Variants in ZNF385D observed in about 807,000 individuals in gnomAD.
ZNF385D encodes the protein zinc finger protein 659.
In ZNF385D, 15 loss-of-function variants were observed where a neutral mutation model predicts 35.8. The ratio of observed to expected loss-of-function variants is 0.42; its 90% CI spans 0.28 to 0.64. The LOEUF is 0.64. Among genes scored for constraint, ZNF385D ranks in the 30% least tolerant of loss-of-function variants. ZNF385D has a pLI of 0.23. For missense variants in ZNF385D, 474 were observed against 494.6 expected, an observed-to-expected ratio of 0.96 and a Z score of 0.39; for synonymous variants, 212 against 186.8, an observed-to-expected ratio of 1.13 and a Z score of -1.10.
intron 3 of ZNF385D, among the ~76,000 whole-genome samples, chr3:21,909,580 C>T (rs1348728625): frequency 1.3e-5 from 2 of 150,792 alleles, no homozygotes; most frequent in Non-Finnish European, 3.0e-5. Context: ...AATTCTGCTT[C>T]ATTCTTATCA....
chr3:21,850,993 G>A (rs1696348796), intron 3 of ZNF385D, among the ~76,000 whole-genome samples: 1 of 151,840 alleles, frequency 6.6e-6, no homozygotes, highest in African/African-American at 2.4e-5. Context: ...AAAGAAGCCA[G>A]AAAATATAAC....
chr3:22,151,894 G>A (rs1705263217), intron 3 of ZNF385D, among the ~76,000 whole-genome samples: 1 of 152,040 alleles, frequency 6.6e-6, no homozygotes, highest in African/African-American at 2.4e-5. Flanking sequence ...ACATGTGCAG[G>A]TTATATAGGT....
At chr3:21,779,668 C>A (rs2071418471) in intron 3 of ZNF385D, among the ~76,000 whole-genome samples, 1 of 151,878 alleles carries the variant, frequency 6.6e-6, no homozygotes, top group African/African-American at 2.4e-5. Context: ...TTCTCAATGC[C>A]ACTCACTTTA....
chr3:22,344,966 A>G (rs900764375), intron 2 of ZNF385D, among the ~76,000 whole-genome samples: 25 of 152,194 alleles, frequency 1.6e-4, no homozygotes, highest in Middle Eastern at 3.4e-3. Context: ...CAAAATTTCT[A>G]CTTTTTCATG....
At chr3:21,775,424 A>C (rs1056997762) in intron 3 of ZNF385D, among the ~76,000 whole-genome samples, 1 of 151,872 alleles carries the variant, frequency 6.6e-6, no homozygotes, top group Non-Finnish European at 1.5e-5. Flanking sequence ...AAATAAAAAA[A>C]GGAAGAAAGT....
At chr3:22,351,049 C>G (rs1351640790) in intron 2 of ZNF385D, among the ~76,000 whole-genome samples, 1 of 152,076 alleles carries the variant, frequency 6.6e-6, no homozygotes, top group Non-Finnish European at 1.5e-5. Context: ...CAATGCTACA[C>G]TGATGTCAGT....
At chr3:21,994,679 C>T (rs1305431749) in intron 3 of ZNF385D, among the ~76,000 whole-genome samples, 4 of 152,164 alleles carry the variant, frequency 2.6e-5, no homozygotes, top group Non-Finnish European at 5.9e-5. Context: ...ATTTTCTGGA[C>T]TGGCTTTTAC....
chr3:21,778,731 G>C lies in ZNF385D; in HGVS notation c.326-113703C>G, dbSNP rs149338452. 4.9e-3 allele frequency among the ~76,000 whole-genome samples: 749 copies of C among 151,878 alleles called. 6 individuals are homozygous for C. The highest frequency in any genetic ancestry group is 0.015 in the African/African-American group (632 of 41,474). Reference sequence around the variant, plus strand: ...TAAAATAATTTAAAAAATCCAAATAGAAATTCCCCAAATGATCTCGTTATG... The same window carrying C: ...TAAAATAATTTAAAAAATCCAAATACAAATTCCCCAAATGATCTCGTTATG... On this transcript the variant is annotated intron_variant, in intron 3 of 5. Coordinates refer to the ZNF385D transcript ENST00000494108.
chr3:22,269,486 G>T (rs559555195), intron 2 of ZNF385D, among the ~76,000 whole-genome samples: 1 of 151,926 alleles, frequency 6.6e-6, no homozygotes, highest in Non-Finnish European at 1.5e-5. Context: ...AACAGCCAAG[G>T]AAGTTTAGGT....
At chr3:21,890,473 G>T (rs534108737) in intron 3 of ZNF385D, among the ~76,000 whole-genome samples, 1 of 152,198 alleles carries the variant, frequency 6.6e-6, no homozygotes, top group African/African-American at 2.4e-5. Flanking sequence ...ACAAAAATTA[G>T]CTGTGCATGG....
intron 4 of ZNF385D, among the ~76,000 whole-genome samples, chr3:21,464,747 C>G (rs2125323291): frequency 6.6e-6 from 1 of 152,196 alleles, no homozygotes; most frequent in South Asian, 2.1e-4. Flanking sequence ...AATTAAAACA[C>G]ACACACACAC....
At chr3:21,967,314 C>G (rs1430822917) in intron 3 of ZNF385D, among the ~76,000 whole-genome samples, 3 of 152,076 alleles carry the variant, frequency 2.0e-5, no homozygotes, top group African/African-American at 7.2e-5. Context: ...AATTTACTGT[C>G]TTATATGTTG....
At chr3:22,261,795 G>T (rs1472895804) in intron 2 of ZNF385D, among the ~76,000 whole-genome samples, 1 of 151,886 alleles carries the variant, frequency 6.6e-6, no homozygotes, top group Non-Finnish European at 1.5e-5. Context: ...CAGCAATAAG[G>T]TCTCTCTCTG....
intron 4 of ZNF385D, chr3:21,443,324 G>A: frequency 1.0e-6 from 1 of 985,320 alleles, no homozygotes; most frequent in Non-Finnish European, 1.2e-6. Flanking sequence ...AATTCCTGGG[G>A]AACAAAGTGT....
intron 3 of ZNF385D, among the ~76,000 whole-genome samples, chr3:22,095,144 C>A (rs1426788208): frequency 7.8e-6 from 1 of 127,442 alleles, no homozygotes; most frequent in African/African-American, 3.0e-5. Flanking sequence ...CCATGCTGGT[C>A]TCAAACTCTA....
At chr3:22,274,725 T>C (rs1252321813) in intron 2 of ZNF385D, among the ~76,000 whole-genome samples, 1 of 151,920 alleles carries the variant, frequency 6.6e-6, no homozygotes, top group Non-Finnish European at 1.5e-5. Context: ...AAGATAATCT[T>C]TTCTATTTAA....
intron 3 of ZNF385D, among the ~76,000 whole-genome samples, chr3:21,825,480 A>AT (rs113807682): frequency 2.7e-5 from 4 of 150,038 alleles, no homozygotes; most frequent in African/African-American, 9.7e-5. Flanking sequence ...TTGTTTGCAA[A>AT]TAAAAAAAAA....
At chr3:21,826,582 G>A (rs555310609) in intron 3 of ZNF385D, among the ~76,000 whole-genome samples, 2 of 152,088 alleles carry the variant, frequency 1.3e-5, no homozygotes, top group African/African-American at 2.4e-5. Context: ...AGTAACTTTT[G>A]CCACCGTTCA....
intron 3 of ZNF385D, among the ~76,000 whole-genome samples, chr3:22,123,735 C>T (rs982582619): frequency 1.3e-5 from 2 of 152,088 alleles, no homozygotes; most frequent in Non-Finnish European, 2.9e-5. Flanking sequence ...GTGGTGGGCA[C>T]CTGTAATCTC....
Sources: gnomAD v4.1 joint callset for allele counts (sites outside exome capture counted in the v4.1 genomes callset) on GRCh38, gnomAD v4.1.1 for gene constraint, MANE v1.5 for transcripts, NCBI Gene and HGNC (gene_info 2026-07-23, HGNC 2026-07-21) for gene names.